The following RNF19A variants were observed in gnomAD, a reference collection of about 807,000 sequenced individuals.
The protein encoded by RNF19A is ring finger protein 19A, RBR E3 ubiquitin protein ligase, also known as E3 ubiquitin-protein ligase RNF19A.
RNF19A carries 32 observed loss-of-function variants against 75.7 expected under a neutral mutation model. The ratio of observed to expected loss-of-function variants is 0.42; its 90% CI spans 0.32 to 0.57. RNF19A has a LOEUF of 0.57. Ranked by LOEUF, RNF19A falls within the 20% of genes least tolerant of loss-of-function variation. RNF19A has a pLI of 0.10. For synonymous variants in RNF19A, 335 were observed against 345.2 expected, an observed-to-expected ratio of 0.97 and a Z score of 0.33; for missense variants, 782 against 1,036.3, an observed-to-expected ratio of 0.75 and a Z score of 3.37.
chr8:100,286,301 T>C (rs1327703439), intron 2 of RNF19A, among the ~76,000 whole-genome samples: 2 of 152,246 alleles, frequency 1.3e-5, no homozygotes, highest in Non-Finnish European at 2.9e-5. Context: ...TGGCCCAGTT[T>C]AGACAGCATC....
intron 1 of RNF19A, among the ~76,000 whole-genome samples, chr8:100,291,033 G>A (rs1408165063): frequency 1.3e-5 from 2 of 152,128 alleles, no homozygotes; most frequent in Non-Finnish European, 2.9e-5. Flanking sequence ...CTGAATGAGA[G>A]TAGATCTGGA....
upstream of RNF19A, among the ~76,000 whole-genome samples, chr8:100,312,052 T>G (rs1174933188): frequency 6.6e-6 from 1 of 152,194 alleles, no homozygotes; most frequent in African/African-American, 2.4e-5. Context: ...AAAGCATGCT[T>G]CTTTCATTCA....
upstream of RNF19A, among the ~76,000 whole-genome samples, chr8:100,312,932 AAACAAC>A (rs754665833): frequency 4.9e-4 from 75 of 152,092 alleles, no homozygotes; most frequent in Admixed American, 1.1e-3. Context: ...AAACAAAACA[AAACAAC>A]AACAACAACA....
intron 1 of RNF19A, among the ~76,000 whole-genome samples, chr8:100,288,498 G>GA (rs1821137782): frequency 1.3e-5 from 2 of 152,220 alleles, no homozygotes; most frequent in African/African-American, 2.4e-5. Context: ...GAGCTGACCA[G>GA]AAAAAACTTC....
At chr8:100,297,926 T>C (rs1276280761) in intron 1 of RNF19A, among the ~76,000 whole-genome samples, 2 of 152,222 alleles carry the variant, frequency 1.3e-5, no homozygotes, top group Admixed American at 6.5e-5. Flanking sequence ...GAGTAAAGCA[T>C]GCACTTTGGA....
chr8:100,288,215 T>C lies in RNF19A; in HGVS notation c.-41A>G. On this transcript the variant is annotated 5_prime_UTR_variant, in exon 2 of 10. Transcript: ENST00000341084. ...ATGTAAGAATATCCTACTTGGTTCCTTCAGAGAATTCTTGAAAAGTTCGAT... is the reference window on the plus strand; with the variant it reads ...ATGTAAGAATATCCTACTTGGTTCCCTCAGAGAATTCTTGAAAAGTTCGAT... The C allele has an allele frequency of 6.6e-7, 1 of 1,508,256 alleles. No homozygotes were observed. The highest frequency in any genetic ancestry group is 8.8e-7 in the Non-Finnish European group (1 of 1,132,014). 93.4% of individuals were successfully genotyped at this position (1,508,256 alleles called of 1,614,324 possible). A position where few individuals can be genotyped will look rare whatever the true frequency, so the allele number is the denominator to read the frequency against.
chr8:100,280,164 G>A (rs911700232), intron 2 of RNF19A, among the ~76,000 whole-genome samples: 2 of 152,090 alleles, frequency 1.3e-5, no homozygotes, highest in African/African-American at 4.8e-5. Flanking sequence ...TTCAGTGCCC[G>A]GCCCTTGATT....
At chr8:100,327,667 C>A (rs1586703182) in intron 1 of RNF19A, among the ~76,000 whole-genome samples, 1 of 152,122 alleles carries the variant, frequency 6.6e-6, no homozygotes, top group African/African-American at 2.4e-5. Context: ...GTGGATGGTC[C>A]CTCAGTTCCA....
chr8:100,274,109 C>T (rs1045479279), intron 3 of RNF19A, among the ~76,000 whole-genome samples: 36 of 152,018 alleles, frequency 2.4e-4, no homozygotes, highest in Non-Finnish European at 5.9e-5. Flanking sequence ...AAAGATGAGA[C>T]AAGTAACTTG....
chr8:100,303,869 G>A (rs972799290), intron 1 of RNF19A, among the ~76,000 whole-genome samples: 2 of 151,954 alleles, frequency 1.3e-5, no homozygotes, highest in Non-Finnish European at 1.5e-5. Flanking sequence ...CCTGGGAGGC[G>A]GAGGGTGCAG....
chr8:100,308,324 T>C (rs1822140767), intron 1 of RNF19A, among the ~76,000 whole-genome samples: 1 of 152,218 alleles, frequency 6.6e-6, no homozygotes, highest in Non-Finnish European at 1.5e-5. Flanking sequence ...TAACAAATTT[T>C]AAAAGTGTTT....
rs373580322 is a variant in RNF19A, at chr8:100,259,950, C to T, written c.1730G>A (p.Gly577Glu). Reference protein sequence around the residue: ...DVQKERYSLSGESGTVSLGTV... With the variant: ...DVQKERYSLSEESGTVSLGTV... The stretch of plus-strand genomic sequence containing the variant: ...TCCCAAGCTGACTGTGCCAGATTCT[C>T]CACTTAGACTGTACCGTTCTTTCTG... The change falls in exon 9 of 10, where the codon GGA becomes GAA. Residue 577 changes from glycine (G) to glutamate (E), a missense_variant. Physicochemically the swap from Gly to Glu is moderately conservative, Grantham distance 98 (BLOSUM62 -2). Transcript: ENST00000341084. The surrounding 1 kb of genome is among the most constrained non-coding windows in gnomAD (Gnocchi z 4.5). The T allele has an allele frequency of 9.3e-6, 15 of 1,614,014 alleles. No individual in the cohort carries two copies. The Admixed American group carries it at 1.0e-4, about 11-fold the overall frequency.
intron 3 of RNF19A, 62 bp downstream of exon 3, chr8:100,274,891 A>G: frequency 7.3e-7 from 1 of 1,362,596 alleles, no homozygotes. Context: ...TTAACTTTAA[A>G]AAGTTAAAAT....
At chr8:100,278,786 G>C (rs1820643019) in intron 2 of RNF19A, among the ~76,000 whole-genome samples, 1 of 151,894 alleles carries the variant, frequency 6.6e-6, no homozygotes, top group Admixed American at 6.6e-5. Flanking sequence ...AAAAATTAAT[G>C]AATTAAGTTT....
At position 100,331,715 on chromosome 8, in the gene RNF19A, C is replaced by A. The variant is rs1822613504; in HGVS notation, c.-243+4393G>T. 6.6e-6 allele frequency among the ~76,000 whole-genome samples: 1 copy of A among 152,104 alleles called. No individual in the cohort carries two copies. Among genetic ancestry groups the A allele is most frequent in the South Asian group, 2.1e-4 (1 of 4,830 alleles). On this transcript the variant is annotated intron_variant, in intron 1 of 3. Coordinates refer to the RNF19A transcript ENST00000519527. The surrounding 1 kb of genome is among the most constrained non-coding windows in gnomAD (Gnocchi z 5.2). Reference sequence around the variant, plus strand: ...TAGAGTGAAAGTCTCTTTTTAAATTCTATTCTTTAATTTCCACCTCTTCAG... The same window carrying A: ...TAGAGTGAAAGTCTCTTTTTAAATTATATTCTTTAATTTCCACCTCTTCAG...
intron 1 of RNF19A, 42 bp downstream of exon 1, chr8:100,309,824 CT>C: frequency 1.0e-6 from 1 of 985,668 alleles, no homozygotes; most frequent in Non-Finnish European, 1.2e-6. Flanking sequence ...CGCCCCTTCT[CT>C]CCCGCTCCGG....
In RNF19A at chr8:100,295,902, T is replaced by C. The variant is rs1821533396; in HGVS notation, c.-93-7635A>G. On this transcript the variant is annotated intron_variant, in intron 1 of 9. Coordinates refer to ENST00000341084, the MANE Select transcript of RNF19A (RefSeq NM_183419.4). Reference sequence around the variant, plus strand: ...TCACTGAAGTTCATTATAATAAAGTTTGCTATTACTAAAAAATCACATTTA... The same window carrying C: ...TCACTGAAGTTCATTATAATAAAGTCTGCTATTACTAAAAAATCACATTTA... Among the ~76,000 whole-genome samples, 3 of 152,314 alleles carry C rather than the reference T, an allele frequency of 2.0e-5. No individual in the cohort carries two copies. The South Asian group carries it at 6.2e-4, about 32-fold the overall frequency.
At chr8:100,270,505 A>C (rs1820205366) in intron 3 of RNF19A, among the ~76,000 whole-genome samples, 1 of 152,128 alleles carries the variant, frequency 6.6e-6, no homozygotes, top group Non-Finnish European at 1.5e-5. Context: ...AAGCACTATG[A>C]ATTTATTTCT....
intron 7 of RNF19A, among the ~76,000 whole-genome samples, chr8:100,262,007 G>A (rs964786715): frequency 1.3e-5 from 2 of 152,064 alleles, no homozygotes; most frequent in African/African-American, 2.4e-5. Flanking sequence ...AAAAAATATC[G>A]CTGACTTTAG....
Sources: gnomAD v4.1 joint callset for allele counts (sites outside exome capture counted in the v4.1 genomes callset) on GRCh38, gnomAD v4.1.1 for gene constraint, Gnocchi (gnomAD v3.1) non-coding constraint, MANE v1.5 for transcripts, NCBI Gene and HGNC (gene_info 2026-07-23, HGNC 2026-07-21) for gene names.